The following TBK1 variants were observed in gnomAD, a reference collection of about 807,000 sequenced individuals.
TBK1 encodes TANK binding kinase 1.
In TBK1, 37 loss-of-function variants were observed where a neutral mutation model predicts 99.9. The ratio of observed to expected loss-of-function variants is 0.37; its 90% CI spans 0.28 to 0.49. TBK1 has a LOEUF of 0.49. TBK1 is among the 20% of genes least tolerant of loss of function. The probability of loss-of-function intolerance (pLI) is 0.98; values close to 1 mark genes in which losing one functional copy is unlikely to be tolerated. For synonymous variants in TBK1, 258 were observed against 279.8 expected (o/e 0.92, Z 0.78); for missense variants, 644 against 872.5 (o/e 0.74, Z 3.30).
At position 64,501,522 on chromosome 12, in the gene TBK1, AATAC is replaced by A; in HGVS notation, c.*145_*148del. 1.3e-6 allele frequency: 1 copy of A among 756,202 alleles called. No homozygotes were observed. 46.8% of individuals were successfully genotyped at this position (756,202 alleles called of 1,614,324 possible). On this transcript the variant is annotated 3_prime_UTR_variant, in exon 21 of 21. Coordinates refer to ENST00000331710, the MANE Select transcript of TBK1 (RefSeq NM_013254.4). Reference sequence around the variant, plus strand: ...TCGTGTAAATATGTACAATATTGTAAATACATAAAAAATATACAAATTTTTGGCT... The same window carrying A: ...TCGTGTAAATATGTACAATATTGTAAATAAAAAATATACAAATTTTTGGCT...
chr12:64,456,380 A>G (rs748335375), intron 2 of TBK1, among the ~76,000 whole-genome samples: 9 of 152,214 alleles, frequency 5.9e-5, no homozygotes, highest in Non-Finnish European at 1.3e-4. Flanking sequence ...GGCTCTGGTA[A>G]GGGTAAGTGC....
rs567853535 is a variant in TBK1 at position 64,498,900 on chromosome 12, C to T, written c.2138+861C>T. Among the ~76,000 whole-genome samples the T allele has an allele frequency of 1.7e-3, 253 of 150,408 alleles. 2 individuals carry two copies. The highest frequency in any genetic ancestry group is 0.01 in the Middle Eastern group (3 of 292). On this transcript the variant is annotated intron_variant, in intron 20 of 20. Coordinates refer to ENST00000331710, the MANE Select transcript of TBK1 (RefSeq NM_013254.4). ...GAATCTGGGAGATGGAGGTTGCAGT[C>T]AGCCGAGATCACACCACTGCACTCC...
At chr12:64,498,083 A>C in intron 20 of TBK1, 44 bp downstream of exon 20, 1 of 1,504,102 alleles carries the variant, frequency 6.6e-7, no homozygotes, top group Non-Finnish European at 9.2e-7. Context: ...TGTGCAATTG[A>C]GTTCATTCAC....
intron 3 of TBK1, among the ~76,000 whole-genome samples, chr12:64,461,195 T>C (rs2040545185): frequency 6.6e-6 from 1 of 151,574 alleles, no homozygotes; most frequent in Non-Finnish European, 1.5e-5. Flanking sequence ...AAAATAATTA[T>C]AAAAAGAAAA....
intron 6 of TBK1, among the ~76,000 whole-genome samples, chr12:64,476,410 G>A (rs1369491765): frequency 3.3e-5 from 5 of 151,754 alleles, no homozygotes; most frequent in Admixed American, 2.6e-4. Flanking sequence ...CACCCGCCTC[G>A]GCCTCCCAGA....
intron 1 of TBK1, among the ~76,000 whole-genome samples, chr12:64,454,437 C>T (rs181089795): frequency 6.6e-6 from 1 of 151,596 alleles, no homozygotes; most frequent in South Asian, 2.1e-4. Context: ...TTAGTAGAGG[C>T]GGGGTTTCTC....
Position 64,464,374 on chromosome 12 carries a change from C to T in TBK1, c.269C>T (p.Pro90Leu). 6.2e-7 allele frequency: 1 copy of T among 1,603,234 alleles called. No individual in the cohort carries two copies. The highest frequency in any genetic ancestry group is 8.5e-7 in the Non-Finnish European group (1 of 1,175,502). ...AAAGTACTTATTATGGAATTTTGTC[C>T]ATGTGGGAGTTTATACACTGTTTTA... ...RHKVLIMEFC[P>L]CGSLYTVLEE... The change falls in exon 4 of 21, where the codon CCA becomes CTA. Residue 90 changes from proline to leucine, a missense_variant. Transcript: ENST00000331710.
chr12:64,469,786 C>T (rs2136065917), intron 5 of TBK1, among the ~76,000 whole-genome samples: 1 of 143,892 alleles, frequency 6.9e-6, no homozygotes, highest in African/African-American at 2.6e-5. Context: ...TTTCTCTCAC[C>T]CAGTACTTTT....
At position 64,499,506 on chromosome 12, in the gene TBK1, A is replaced by G. The variant is rs931694741; in HGVS notation, c.2138+1467A>G. On this transcript the variant is annotated intron_variant, in intron 20 of 20. Coordinates refer to ENST00000331710, the MANE Select transcript of TBK1 (RefSeq NM_013254.4). ...ATTTCTGTGGTTTATAGTGATGTCA[A>G]ACATCGTTTAATATGTTTGTTCAAT... is the stretch of plus-strand genomic sequence containing the variant. Among the ~76,000 whole-genome samples, 9 of 152,250 alleles carry G rather than the reference A, an allele frequency of 5.9e-5. No individual in the cohort carries two copies. In the East Asian group the frequency reaches 9.6e-4, roughly 16 times the overall value.
intron 5 of TBK1, among the ~76,000 whole-genome samples, chr12:64,468,460 C>T (rs1338156709): frequency 6.6e-6 from 1 of 150,930 alleles, no homozygotes; most frequent in Non-Finnish European, 1.5e-5. Context: ...CACTGCACTC[C>T]AGCCTGGGTG....
intron 2 of TBK1, among the ~76,000 whole-genome samples, chr12:64,456,324 G>A (rs188071490): frequency 3.9e-4 from 59 of 152,270 alleles, no homozygotes; most frequent in Non-Finnish European, 5.6e-4. Flanking sequence ...TGGTTGGTAG[G>A]GAGGCAGATG....
intron 5 of TBK1, among the ~76,000 whole-genome samples, chr12:64,471,025 T>C (rs943957807): frequency 6.6e-6 from 1 of 152,190 alleles, no homozygotes; most frequent in Admixed American, 6.5e-5. Flanking sequence ...AATAATAGTC[T>C]AAGGCTCAGC....
intron 3 of TBK1, among the ~76,000 whole-genome samples, chr12:64,461,318 A>C (rs1332581661): frequency 2.0e-5 from 3 of 152,126 alleles, no homozygotes; most frequent in Non-Finnish European, 4.4e-5. Context: ...TTAAGGGGAA[A>C]TAGTGGAATT....
chr12:64,476,814 A>G (rs2040719180), intron 6 of TBK1, among the ~76,000 whole-genome samples: 1 of 152,188 alleles, frequency 6.6e-6, no homozygotes, highest in Non-Finnish European at 1.5e-5. Context: ...TCTTACATTT[A>G]AGTCTTTAAT....
chr12:64,454,286 A>T (rs1335521693), intron 1 of TBK1, among the ~76,000 whole-genome samples: 2 of 152,144 alleles, frequency 1.3e-5, no homozygotes, highest in Non-Finnish European at 2.9e-5. Context: ...TCGCTCTGTC[A>T]CCCTGGCTGG....
chr12:64,471,598 C>T (rs2040663086), intron 5 of TBK1, among the ~76,000 whole-genome samples: 1 of 152,090 alleles, frequency 6.6e-6, no homozygotes, highest in African/African-American at 2.4e-5. Context: ...AGCGATCCAC[C>T]CACCTTGGCC....
chr12:64,500,814 G>A (rs532357151), intron 20 of TBK1, among the ~76,000 whole-genome samples: 4 of 145,476 alleles, frequency 2.7e-5, no homozygotes, highest in East Asian at 2.0e-4. Flanking sequence ...GCTAGAGTGC[G>A]GTGGCATGAT....
chr12:64,492,951 A>G (rs1293194730), intron 13 of TBK1, among the ~76,000 whole-genome samples: 3 of 144,050 alleles, frequency 2.1e-5, no homozygotes, highest in Admixed American at 1.4e-4. Flanking sequence ...GCTGGAGTGC[A>G]GTGGTACAGT....
chr12:64,459,240 G>A (rs1005292682), intron 2 of TBK1, among the ~76,000 whole-genome samples: 1 of 152,180 alleles, frequency 6.6e-6, no homozygotes, highest in Non-Finnish European at 1.5e-5. Context: ...ATAAATGGGG[G>A]AAAATGTAAG....
Sources: gnomAD v4.1 joint callset for allele counts (sites outside exome capture counted in the v4.1 genomes callset) on GRCh38, gnomAD v4.1.1 for gene constraint, MANE v1.5 for transcripts, NCBI Gene and HGNC (gene_info 2026-07-23, HGNC 2026-07-21) for gene names.